The following DCAF8L2 variants were observed in gnomAD, a reference collection of about 807,000 sequenced individuals.
DCAF8L2 encodes DDB1 and CUL4 associated factor 8 like 2.
For synonymous variants in DCAF8L2, 200 were observed against 190.9 expected, an observed-to-expected ratio of 1.05 and a Z score of -0.39; for missense variants, 430 against 490.7, an observed-to-expected ratio of 0.88 and a Z score of 1.17.
At chrX:27,536,163 CG>C in the DCAF8L2 span, among the ~76,000 whole-genome samples, 4 of 111,849 alleles carry the variant, frequency 3.6e-5, no homozygotes, top group African/African-American at 1.3e-4. Context: ...AATTCTTATT[CG>C]TTTAACATTC....
chrX:27,706,221 G>A (rs979709142), intron 3 of DCAF8L2, among the ~76,000 whole-genome samples: 3 of 111,296 alleles, frequency 2.7e-5, no homozygotes, highest in Middle Eastern at 4.7e-3. Context: ...TTTGAAGTTG[G>A]ATAACGTGAT....
At chrX:27,481,377 C>CA in the DCAF8L2 span, among the ~76,000 whole-genome samples, 1 of 110,164 alleles carries the variant, frequency 9.1e-6, no homozygotes, top group African/African-American at 3.3e-5. Context: ...GATTCTGTCT[C>CA]AAAAAAATTA....
intron 3 of DCAF8L2, among the ~76,000 whole-genome samples, chrX:27,684,886 T>C (rs1452002130): frequency 1.8e-5 from 2 of 111,691 alleles, no homozygotes; most frequent in African/African-American, 3.3e-5. Context: ...GTAGGCCAGC[T>C]CAGTTACAAA....
intron 2 of DCAF8L2, among the ~76,000 whole-genome samples, chrX:27,643,941 T>A (rs1428465388): frequency 2.7e-5 from 3 of 111,634 alleles, no homozygotes; most frequent in African/African-American, 9.8e-5. Flanking sequence ...TCTCCAGAGT[T>A]TTTCTTGAAC....
At chrX:27,587,985 A>AAAAAAAAAAAAATATATATATATATAT, upstream of DCAF8L2, among the ~76,000 whole-genome samples, 1 of 22,367 alleles carries the variant, frequency 4.5e-5, no homozygotes, top group African/African-American at 9.8e-5. Flanking sequence ...TAAAAAAAAA[A>AAAAAAAAAAAAATATATATATATATAT]ATATATATAT....
rs997305076 is a variant in DCAF8L2, at chrX:27,675,395, A to G, written c.-219-2441A>G. 8.9e-5 allele frequency among the ~76,000 whole-genome samples: 10 copies of G among 112,101 alleles called. No individual in the cohort carries two copies. The East Asian group carries it at 1.4e-3, about 16-fold the overall frequency. ...TATTTGAGGGATTTTGCTAAAAAAC[A>G]TTGTAAAATTTTGGCAAATAATCAT... On this transcript the variant is annotated intron_variant, in intron 2 of 4. Transcript: ENST00000451261.
intron 1 of DCAF8L2, among the ~76,000 whole-genome samples, chrX:27,590,991 TTATATATATATA>T (rs10571931): frequency 1.5e-5 from 1 of 68,055 alleles, no homozygotes; most frequent in East Asian, 5.1e-4. Context: ...CCTTTACATT[TTATATATATATA>T]TATATATATA....
the DCAF8L2 span, among the ~76,000 whole-genome samples, chrX:27,551,230 G>T: frequency 9.1e-6 from 1 of 109,474 alleles, no homozygotes; most frequent in African/African-American, 3.3e-5. Context: ...GTCAATCAGT[G>T]TGGCAAATTT....
In DCAF8L2 at chrX:27,729,207, G is replaced by A. The variant is rs1921045404; in HGVS notation, c.-59+13036G>A. 2.7e-5 allele frequency among the ~76,000 whole-genome samples: 3 copies of A among 111,681 alleles called. No homozygotes were observed. The South Asian group carries it at 1.1e-3, about 42-fold the overall frequency. ...AAAGTGGGGAGTCTTCAGTTCTTTA[G>A]GATGTGGGCATGAAGAAGACATGGG... On this transcript the variant is annotated intron_variant, in intron 4 of 4. Coordinates refer to ENST00000451261, the MANE Select transcript of DCAF8L2 (RefSeq NM_001353450.2).
At chrX:27,697,002 A>C (rs1327485722) in intron 3 of DCAF8L2, among the ~76,000 whole-genome samples, 1 of 111,868 alleles carries the variant, frequency 8.9e-6, no homozygotes, top group African/African-American at 3.3e-5. Context: ...GGGGCTGAAG[A>C]GGGCACTACT....
rs1265081129 is a variant in DCAF8L2 at position 27,696,201 on chromosome X, G to GA, written c.-143+18299dup. On this transcript the variant is annotated intron_variant, in intron 3 of 4. Transcript: ENST00000451261. ...GGGACAGAGTTAGACTCCGTCAGAA[G>GA]AAAAAAAAAAGAAGAAAAAGAAAGA... is the stretch of plus-strand genomic sequence containing the variant. Among the ~76,000 whole-genome samples the GA allele has an allele frequency of 1.4e-3, 82 of 58,664 alleles. 1 individual carries two copies. The highest frequency in any genetic ancestry group is 2.0e-3 in the Non-Finnish European group (60 of 29,700). 50.9% of individuals were successfully genotyped at this position (58,664 alleles called of 115,157 possible).
At chrX:27,696,306 GAAAGAAAGAAAGAAAGAAAGAAAGAA>G (rs1569184539) in intron 3 of DCAF8L2, among the ~76,000 whole-genome samples, 2 of 89,179 alleles carry the variant, frequency 2.2e-5, no homozygotes, top group Non-Finnish European at 2.2e-5. Context: ...AAGAAAGAAA[GAAAGAAAGAAAGAAAGAAAGAAAGAA>G]AAAGAAAGAA....
At chrX:27,486,142 A>G in the DCAF8L2 span, among the ~76,000 whole-genome samples, 1 of 107,282 alleles carries the variant, frequency 9.3e-6, no homozygotes, top group Non-Finnish European at 1.9e-5. Flanking sequence ...AGCATCTGGG[A>G]TTATAGTCAT....
At chrX:27,610,967 AAAAC>A (rs1377135467) in intron 1 of DCAF8L2, among the ~76,000 whole-genome samples, 1 of 112,457 alleles carries the variant, frequency 8.9e-6, no homozygotes, top group African/African-American at 3.2e-5. Context: ...AATCGGAAAA[AAAAC>A]ATCAGTAACG....
At chrX:27,513,039 C>A in the DCAF8L2 span, among the ~76,000 whole-genome samples, 1 of 111,112 alleles carries the variant, frequency 9.0e-6, no homozygotes, top group Non-Finnish European at 1.9e-5. Context: ...ACTGTATATC[C>A]ACATGCAGAA....
intron 2 of DCAF8L2, among the ~76,000 whole-genome samples, chrX:27,657,111 G>C (rs1427463685): frequency 9.0e-6 from 1 of 110,978 alleles, no homozygotes; most frequent in African/African-American, 3.3e-5. Flanking sequence ...GGCTCTCCTT[G>C]CTCCTCAGCT....
chrX:27,579,902 A>G, the DCAF8L2 span, among the ~76,000 whole-genome samples: 1 of 108,848 alleles, frequency 9.2e-6, no homozygotes, highest in African/African-American at 3.3e-5. Context: ...TAAAGATGAT[A>G]TAATTATTAT....
chrX:27,637,900 C>T (rs1417936205), intron 2 of DCAF8L2, among the ~76,000 whole-genome samples: 3 of 111,207 alleles, frequency 2.7e-5, no homozygotes, highest in Non-Finnish European at 3.8e-5. Flanking sequence ...GGAATTCAAA[C>T]CAGACACGAT....
At chrX:27,557,862 G>A in the DCAF8L2 span, among the ~76,000 whole-genome samples, 1 of 110,376 alleles carries the variant, frequency 9.1e-6, no homozygotes, top group Non-Finnish European at 1.9e-5. Context: ...ACTTCTCTAT[G>A]CACATTTGGG....
Sources: allele counts gnomAD v4.1 joint callset (sites outside exome capture counted in the v4.1 genomes callset), GRCh38; gene constraint gnomAD v4.1.1; transcripts MANE v1.5; gene names NCBI Gene and HGNC (gene_info 2026-07-23, HGNC 2026-07-21).